KIAA0753: variants seen among roughly 807,000 people sequenced by gnomAD.
The protein encoded by KIAA0753 is protein moonraker.
KIAA0753 carries 114 observed loss-of-function variants against 116.9 expected under a neutral mutation model. The observed-to-expected ratio is 0.98, with a 90% confidence interval of 0.84 to 1.14. KIAA0753 has a LOEUF of 1.14. KIAA0753 is among the 50% of genes most tolerant of loss of function. The pLI is 0.00. For missense variants in KIAA0753, 1,156 were observed against 1,172.4 expected (o/e 0.99, Z 0.20); for synonymous variants, 405 against 413.1 (o/e 0.98, Z 0.24).
chr17:6,607,063 T>G, intron 11 of KIAA0753, 101 bp from the exon 12 acceptor site: 1 of 1,404,048 alleles, frequency 7.1e-7, no homozygotes, highest in Non-Finnish European at 1.0e-6. Flanking sequence ...TTAAGTGACT[T>G]CAGTCTTTTA....
intron 16 of KIAA0753, among the ~76,000 whole-genome samples, chr17:6,591,835 C>G (rs1301187133): frequency 6.6e-6 from 1 of 152,234 alleles, no homozygotes; most frequent in Non-Finnish European, 1.5e-5. Context: ...GCTGACTAAA[C>G]AATGATGAAA....
chr17:6,596,597 C>T (rs1203411444), intron 14 of KIAA0753, among the ~76,000 whole-genome samples: 1 of 152,154 alleles, frequency 6.6e-6, no homozygotes, highest in Non-Finnish European at 1.5e-5. Flanking sequence ...CATTATTGTC[C>T]ATGCAAATTA....
chr17:6,623,451 A>G (rs1331979209), intron 5 of KIAA0753, 58 bp downstream of exon 5: 2 of 1,427,696 alleles, frequency 1.4e-6, no homozygotes, highest in Non-Finnish European at 2.0e-6. Context: ...AATACTAACA[A>G]AACACTGGGA....
chr17:6,632,347 A>G (rs1351761482), intron 2 of KIAA0753, among the ~76,000 whole-genome samples: 1 of 152,256 alleles, frequency 6.6e-6, no homozygotes, highest in African/African-American at 2.4e-5. Flanking sequence ...CAAAATAAAT[A>G]ATGAGAATAA....
At position 6,622,972 on chromosome 17, in the gene KIAA0753, G is replaced by T. The variant is rs535779021; in HGVS notation, c.1014C>A (p.Ser338Arg). 3.0e-5 allele frequency: 48 copies of T among 1,614,040 alleles called. No individual in the cohort carries two copies. Among genetic ancestry groups the T allele is most frequent in the Non-Finnish European group, 3.4e-5 (40 of 1,180,030 alleles). ...AACAAAGTGAAAGCTGGCGAATAAG[G>T]CTGCCCAGTTCCTTACACCGAGCAG... ...PLPARCKELGSLIRQLSLCSV... is the reference protein window; with the variant it reads ...PLPARCKELGRLIRQLSLCSV... Residue 338 changes from serine to arginine, a missense_variant, in exon 6 of 19, where the codon AGC (serine) becomes AGA (arginine). By Grantham distance (110) the Ser-to-Arg change is moderately radical. Transcript: ENST00000361413.
rs778977507 is a variant in KIAA0753 at position 6,628,725 on chromosome 17, T to C, written c.110A>G (p.Asn37Ser). 2.1e-5 allele frequency: 33 copies of C among 1,593,056 alleles called. No homozygotes were observed. The East Asian group carries it at 5.8e-4, about 28-fold the overall frequency. ...VLQTQNQLQFNRNVPTHSSNL... is the reference protein window; with the variant it reads ...VLQTQNQLQFSRNVPTHSSNL... ...GCTTGAATGTGTAGGAACATTCCTA[T>C]TAAACTGCAGCTGGTTCTTTAAAAA... Residue 37 changes from asparagine (N) to serine (S), a missense_variant, in exon 3 of 19, where the codon AAT becomes AGT. Asn to Ser is a conservative substitution (Grantham distance 46). Transcript: ENST00000361413.
chr17:6,611,279 G>A (rs1277469785), intron 8 of KIAA0753, among the ~76,000 whole-genome samples: 5 of 152,056 alleles, frequency 3.3e-5, no homozygotes, highest in Non-Finnish European at 7.4e-5. Flanking sequence ...ATTATTGATC[G>A]ATATTTATCT....
rs751363682 is a variant in KIAA0753, at chr17:6,611,902, G to C, written c.1545+17C>G. Reference sequence around the variant, plus strand: ...AGATTAACACAAATGGGCCAAAAGAGAGGAATGATTTCATACTTGCTGTCT... The same window carrying C: ...AGATTAACACAAATGGGCCAAAAGACAGGAATGATTTCATACTTGCTGTCT... On this transcript the variant is annotated intron_variant, in intron 8 of 18. Transcript: ENST00000361413. 6.1e-5 allele frequency: 98 copies of C among 1,604,146 alleles called. No homozygotes were observed. The highest frequency in any genetic ancestry group is 8.2e-5 in the Non-Finnish European group (96 of 1,171,718).
intron 12 of KIAA0753, among the ~76,000 whole-genome samples, chr17:6,602,645 G>A (rs1310442722): frequency 6.6e-6 from 1 of 152,206 alleles, no homozygotes. Flanking sequence ...AAAAAGACAT[G>A]TGGGTACTTT....
At chr17:6,590,151 G>A (rs368265523) in intron 17 of KIAA0753, 148 bp from the exon 18 acceptor site, 9 of 688,026 alleles carry the variant, frequency 1.3e-5, no homozygotes, top group East Asian at 2.7e-5. Flanking sequence ...AACACCATGC[G>A]TTGCTTCCCC....
intron 15 of KIAA0753, among the ~76,000 whole-genome samples, chr17:6,595,895 G>A (rs147114951): frequency 2.6e-5 from 4 of 152,174 alleles, no homozygotes; most frequent in East Asian, 3.9e-4. Context: ...CAGTGATATC[G>A]GGGGATAATA....
chr17:6,604,206 G>C (rs1351109568), intron 12 of KIAA0753, among the ~76,000 whole-genome samples: 1 of 151,696 alleles, frequency 6.6e-6, no homozygotes, highest in African/African-American at 2.4e-5. Context: ...TATAGAAACT[G>C]TATTCATAAT....
At chr17:6,614,077 G>C (rs956159540) in intron 7 of KIAA0753, among the ~76,000 whole-genome samples, 1 of 152,136 alleles carries the variant, frequency 6.6e-6, no homozygotes, top group Admixed American at 6.5e-5. Context: ...AATCTGAATT[G>C]TCAATAAAAA....
intron 16 of KIAA0753, among the ~76,000 whole-genome samples, chr17:6,591,012 A>AGAAGAAGAAGAAG (rs1968967822): frequency 1.5e-4 from 13 of 84,680 alleles, no homozygotes; most frequent in African/African-American, 6.2e-4. Flanking sequence ...AGAAGAAGGA[A>AGAAGAAGAAGAAG]GAAGAAGGAA....
At chr17:6,607,127 A>G in intron 11 of KIAA0753, 54 bp downstream of exon 11, 1 of 1,420,518 alleles carries the variant, frequency 7.0e-7, no homozygotes, top group South Asian at 1.1e-5. Flanking sequence ...ATTAATGTAT[A>G]GAGATGTAGA....
rs545308325 is a variant in KIAA0753, at chr17:6,615,343, C to T, written c.1316-3195G>A. Among the ~76,000 whole-genome samples the T allele has an allele frequency of 1.4e-4, 21 of 152,198 alleles. 1 individual carries two copies. Among genetic ancestry groups the T allele is most frequent in the African/African-American group, 5.1e-4 (21 of 41,514 alleles). On this transcript the variant is annotated intron_variant, in intron 7 of 18. Coordinates refer to ENST00000361413, the MANE Select transcript of KIAA0753 (RefSeq NM_014804.3). ...TGTCTCGTATCAAACTGCTTGTGTT[C>T]AAGTAACCTTGAACTTGACTTCGTA...
intron 16 of KIAA0753, among the ~76,000 whole-genome samples, chr17:6,592,257 G>A (rs918836044): frequency 6.6e-6 from 1 of 152,204 alleles, no homozygotes; most frequent in Non-Finnish European, 1.5e-5. Context: ...AAATTTGAGA[G>A]GGGGAGTACT....
rs982208151 is a variant in KIAA0753, at chr17:6,617,495, C to G, written c.1315+3293G>C. 6.6e-5 allele frequency among the ~76,000 whole-genome samples: 10 copies of G among 152,292 alleles called. No homozygotes were observed. The East Asian group carries it at 1.7e-3, about 26-fold the overall frequency. ...CTCTAGCCCAGTTTCTGGCCCAGAGCTCCTAAAACCCTTCTAATTTCCCAA... is the reference window on the plus strand; with the variant it reads ...CTCTAGCCCAGTTTCTGGCCCAGAGGTCCTAAAACCCTTCTAATTTCCCAA... On this transcript the variant is annotated intron_variant, in intron 7 of 18. Coordinates refer to ENST00000361413, the MANE Select transcript of KIAA0753 (RefSeq NM_014804.3).
intron 13 of KIAA0753, among the ~76,000 whole-genome samples, chr17:6,599,948 T>C (rs549758887): frequency 1.3e-5 from 2 of 152,248 alleles, no homozygotes; most frequent in East Asian, 3.9e-4. Flanking sequence ...GGTGGTACCA[T>C]CTATAATTTC....
Sources: allele counts gnomAD v4.1 joint callset (sites outside exome capture counted in the v4.1 genomes callset), GRCh38; gene constraint gnomAD v4.1.1; transcripts MANE v1.5; gene names NCBI Gene and HGNC (gene_info 2026-07-23, HGNC 2026-07-21).